CSRNP3: variants seen among roughly 807,000 people sequenced by gnomAD.
CSRNP3 encodes the protein cysteine and serine rich nuclear protein 3.
CSRNP3 carries 12 observed loss-of-function variants against 48.0 expected under a neutral mutation model. The ratio of observed to expected loss-of-function variants is 0.25; its 90% CI spans 0.16 to 0.41. The LOEUF (loss-of-function observed/expected upper bound fraction) is 0.41, where lower values mean the gene tolerates loss of function less well. CSRNP3 is among the 10% of genes least tolerant of loss of function. The pLI is 1.00. For synonymous variants in CSRNP3, 263 were observed against 269.7 expected (o/e 0.98, Z 0.24); for missense variants, 580 against 724.4 (o/e 0.80, Z 2.29).
intron 1 of CSRNP3, among the ~76,000 whole-genome samples, chr2:165,479,928 G>T (rs1684017756): frequency 6.6e-6 from 1 of 151,392 alleles, no homozygotes; most frequent in African/African-American, 2.4e-5. Flanking sequence ...TAGGTTCTTT[G>T]TTCAGGGCCT....
chr2:165,669,687 T>A (rs913651979), intron 5 of CSRNP3, among the ~76,000 whole-genome samples: 1 of 152,126 alleles, frequency 6.6e-6, no homozygotes, highest in Non-Finnish European at 1.5e-5. Context: ...TTTCCATCTG[T>A]CAAAAAAAAG....
At chr2:165,658,918 A>G (rs1316757435) in intron 5 of CSRNP3, among the ~76,000 whole-genome samples, 2 of 152,200 alleles carry the variant, frequency 1.3e-5, no homozygotes, top group Non-Finnish European at 1.5e-5. Context: ...CAGCCAAACC[A>G]TATCAGCTAC....
At chr2:165,667,777 C>G (rs1258022733) in intron 5 of CSRNP3, among the ~76,000 whole-genome samples, 3 of 152,182 alleles carry the variant, frequency 2.0e-5, no homozygotes, top group Non-Finnish European at 4.4e-5. Context: ...TGTCTATTCT[C>G]TCTTCCACCC....
chr2:165,609,727 A>T (rs1354342430), intron 4 of CSRNP3, among the ~76,000 whole-genome samples: 1 of 152,206 alleles, frequency 6.6e-6, no homozygotes, highest in Non-Finnish European at 1.5e-5. Flanking sequence ...TTATTCAGAA[A>T]TTCTAACTAA....
chr2:165,638,864 G>A (rs1686676967), intron 4 of CSRNP3, among the ~76,000 whole-genome samples: 1 of 152,164 alleles, frequency 6.6e-6, no homozygotes, highest in Admixed American at 6.5e-5. Flanking sequence ...CAATATTCAT[G>A]ATAGTTATGT....
At chr2:165,659,472 G>A (rs1365224642) in intron 5 of CSRNP3, among the ~76,000 whole-genome samples, 2 of 152,156 alleles carry the variant, frequency 1.3e-5, no homozygotes, top group East Asian at 3.9e-4. Context: ...CTGGGGGTGG[G>A]ATGTGGATAG....
At chr2:165,636,651 A>G (rs1686632613) in intron 4 of CSRNP3, among the ~76,000 whole-genome samples, 1 of 152,236 alleles carries the variant, frequency 6.6e-6, no homozygotes, top group African/African-American at 2.4e-5. Context: ...GTGTAACTAT[A>G]AAAACATACA....
At chr2:165,623,912 C>G (rs1573926261) in intron 4 of CSRNP3, among the ~76,000 whole-genome samples, 2 of 152,304 alleles carry the variant, frequency 1.3e-5, no homozygotes, top group South Asian at 2.1e-4. Context: ...CCTACCTTCT[C>G]TCCACAAAAG....
At chr2:165,512,771 A>G (rs950437909) in intron 2 of CSRNP3, among the ~76,000 whole-genome samples, 2 of 152,218 alleles carry the variant, frequency 1.3e-5, no homozygotes, top group Non-Finnish European at 1.5e-5. Flanking sequence ...AGAATTATAA[A>G]TAGAATTAAT....
At chr2:165,588,126 A>G (rs942785245) in intron 3 of CSRNP3, among the ~76,000 whole-genome samples, 1 of 152,224 alleles carries the variant, frequency 6.6e-6, no homozygotes, top group African/African-American at 2.4e-5. Context: ...GAAGGTGGTA[A>G]ATGCTATGAA....
intron 4 of CSRNP3, among the ~76,000 whole-genome samples, chr2:165,599,273 A>AAC (rs1685861926): frequency 2.9e-5 from 2 of 69,002 alleles, no homozygotes; most frequent in African/African-American, 1.0e-4. Context: ...AAAAGAAAGA[A>AAC]AGAGAGAGAG....
intron 5 of CSRNP3, among the ~76,000 whole-genome samples, chr2:165,666,078 G>A (rs1167019368): frequency 2.7e-5 from 3 of 109,352 alleles, no homozygotes; most frequent in African/African-American, 6.6e-5. Context: ...AAGAGAGAGA[G>A]AGAAAGGAAG....
At chr2:165,576,943 C>A (rs1283341272) in intron 3 of CSRNP3, among the ~76,000 whole-genome samples, 1 of 151,988 alleles carries the variant, frequency 6.6e-6, no homozygotes, top group African/African-American at 2.4e-5. Flanking sequence ...GATTACCAGT[C>A]TGTCTTTGTC....
In CSRNP3 at chr2:165,474,683, A is replaced by G. The variant is rs1683938548; in HGVS notation, c.-283+4943A>G. 3.3e-5 allele frequency among the ~76,000 whole-genome samples: 5 copies of G among 152,346 alleles called. No individual in the cohort carries two copies. The South Asian group carries it at 8.3e-4, about 25-fold the overall frequency. Reference sequence around the variant, plus strand: ...AAGACACTATGTGTTTGTATTAAATATTAGATATAGTGCATTAAACACTGG... The same window carrying G: ...AAGACACTATGTGTTTGTATTAAATGTTAGATATAGTGCATTAAACACTGG... On this transcript the variant is annotated intron_variant, in intron 1 of 6. Transcript: ENST00000651982.
chr2:165,556,293 G>A (rs1685159368), intron 3 of CSRNP3, among the ~76,000 whole-genome samples: 1 of 152,262 alleles, frequency 6.6e-6, no homozygotes, highest in Non-Finnish European at 1.5e-5. Flanking sequence ...ATGTATGATG[G>A]CAATGACTAT....
chr2:165,559,796 CTTTTTTTTTT>C (rs11313094), intron 3 of CSRNP3, among the ~76,000 whole-genome samples: 1 of 98,424 alleles, frequency 1.0e-5, no homozygotes, highest in African/African-American at 4.0e-5. Flanking sequence ...TTCTTTCTTT[CTTTTTTTTTT>C]TTTTTTTTTT....
intron 3 of CSRNP3, among the ~76,000 whole-genome samples, chr2:165,522,202 G>T (rs1327160609): frequency 6.6e-6 from 1 of 152,108 alleles, no homozygotes; most frequent in Admixed American, 6.5e-5. Context: ...TGAGGCATGA[G>T]AATCACTTGA....
chr2:165,489,812 C>G (rs1248058890), intron 1 of CSRNP3, among the ~76,000 whole-genome samples: 1 of 102,494 alleles, frequency 9.8e-6, no homozygotes, highest in African/African-American at 4.1e-5. Context: ...ATAATAAGAG[C>G]TATCTATGAC....
intron 4 of CSRNP3, among the ~76,000 whole-genome samples, chr2:165,630,312 A>C (rs1355686332): frequency 2.6e-5 from 4 of 152,096 alleles, no homozygotes; most frequent in African/African-American, 9.7e-5. Flanking sequence ...AGCCATTTTT[A>C]TTTCTTGTAT....
Sources: gnomAD v4.1 joint callset for allele counts (sites outside exome capture counted in the v4.1 genomes callset) on GRCh38, gnomAD v4.1.1 for gene constraint, MANE v1.5 for transcripts, NCBI Gene and HGNC (gene_info 2026-07-23, HGNC 2026-07-21) for gene names.